The following INSC variants were observed in gnomAD, a reference collection of about 807,000 sequenced individuals.
INSC encodes the protein protein inscuteable homolog.
In INSC, 67 loss-of-function variants were observed where a neutral mutation model predicts 58.6. That is an observed-to-expected ratio of 1.14 (90% CI 0.94 to 1.40). INSC has a LOEUF of 1.40. Among genes scored for constraint, INSC ranks in the 40% most tolerant of loss-of-function variants. The pLI is 0.00. For synonymous variants in INSC, 262 were observed against 276.1 expected (o/e 0.95, Z 0.51); for missense variants, 714 against 692.0 (o/e 1.03, Z -0.36).
At chr11:15,263,994 T>G in the INSC span, among the ~76,000 whole-genome samples, 529 of 150,490 alleles carry the variant, frequency 3.5e-3, 6 homozygotes, top group African/African-American at 0.013. Context: ...CTGCTGCGGC[T>G]ACTGCTGCGT....
chr11:15,114,916 AGCGGCCACTTTGCGC>A (rs1847655275), exon 1 of INSC: 3 of 985,090 alleles, frequency 3.0e-6, no homozygotes, highest in South Asian at 9.4e-5. Flanking sequence ...GGGCCGGCAG[AGCGGCCACTTTGCGC>A]GCGGCCTCTG....
In INSC at chr11:15,182,535, G is replaced by A. The variant is rs116844545; in HGVS notation, c.579+4088G>A. On this transcript the variant is annotated intron_variant, in intron 5 of 12. Transcript: ENST00000379556. ...TGTTTTCCTTTTCCTGCAAAGTCAG[G>A]CATTTGCAACTTCTTTACTAGGACT... Among the ~76,000 whole-genome samples, 556 of 152,250 alleles carry A rather than the reference G, an allele frequency of 3.7e-3. 5 individuals carry two copies. Among genetic ancestry groups the A allele is most frequent in the Non-Finnish European group, 4.8e-3 (328 of 68,030 alleles).
upstream of INSC, chr11:15,112,345 C>A: frequency 1.3e-6 from 1 of 755,166 alleles, no homozygotes; most frequent in Admixed American, 3.0e-5. Context: ...CTGCCTTGGA[C>A]AAGCTTTGCC....
At chr11:15,178,471 G>C in intron 5 of INSC, 24 bp downstream of exon 5, 1 of 1,602,936 alleles carries the variant, frequency 6.2e-7, no homozygotes, top group Non-Finnish European at 8.5e-7. Flanking sequence ...GGGCTGCAGG[G>C]AGGGGTGCTT....
chr11:15,135,791 A>G (rs568077290), intron 1 of INSC, among the ~76,000 whole-genome samples: 1 of 152,340 alleles, frequency 6.6e-6, no homozygotes, highest in African/African-American at 2.4e-5. Flanking sequence ...ATAGAATGGC[A>G]CAGACTGGCT....
At chr11:15,118,230 G>A (rs941821411) in intron 1 of INSC, among the ~76,000 whole-genome samples, 5 of 152,198 alleles carry the variant, frequency 3.3e-5, no homozygotes, top group Non-Finnish European at 7.3e-5. Flanking sequence ...GGTCTGTGAG[G>A]CTAAGTGGTC....
chr11:15,178,005 A>G (rs1849631389), intron 4 of INSC, among the ~76,000 whole-genome samples: 1 of 152,044 alleles, frequency 6.6e-6, no homozygotes, highest in Non-Finnish European at 1.5e-5. Context: ...TCCCACCCCA[A>G]CATCACAGAG....
At chr11:15,164,056 A>T (rs1235474960) in intron 2 of INSC, among the ~76,000 whole-genome samples, 1 of 152,012 alleles carries the variant, frequency 6.6e-6, no homozygotes, top group African/African-American at 2.4e-5. Context: ...CCTTTCTGAT[A>T]ATTTATGCTT....
Position 15,149,231 on chromosome 11 carries a change from G to T in INSC, c.56+1G>T, listed in dbSNP as rs970962883. 6.2e-7 allele frequency: 1 copy of T among 1,602,996 alleles called. No individual in the cohort carries two copies. Among genetic ancestry groups the T allele is most frequent in the Admixed American group, 1.7e-5 (1 of 58,518 alleles). On this transcript the variant is annotated splice_donor_variant, in intron 2 of 12. Transcript: ENST00000379556. LOFTEE classifies it high-confidence loss of function. ...ACTCCGTCACCCTGCCGGGTCAGCG[G>T]TAAGTCCTACAGCTGTCACTCCAGG...
chr11:15,235,438 G>T (rs984144574), intron 9 of INSC, among the ~76,000 whole-genome samples, 164 bp from the exon 10 acceptor site: 1 of 152,222 alleles, frequency 6.6e-6, no homozygotes, highest in Non-Finnish European at 1.5e-5. Flanking sequence ...GGTGGCAGGA[G>T]CCCATAAGGA....
At chr11:15,113,982 A>G (rs561374492), upstream of INSC, among the ~76,000 whole-genome samples, 126 of 152,184 alleles carry the variant, frequency 8.3e-4, 1 homozygote, top group African/African-American at 1.7e-3. Context: ...GTTAGATGTC[A>G]AGGAGATCTT....
Position 15,114,980 on chromosome 11 carries a change from C to A in INSC, c.-69C>A. The A allele has an allele frequency of 1.0e-6, 1 of 985,488 alleles. No individual in the cohort carries two copies. Among genetic ancestry groups the A allele is most frequent in the Non-Finnish European group, 1.2e-6 (1 of 829,956 alleles). The allele number at this position is 985,488 out of a possible 1,614,324, so 61.0% of individuals were successfully genotyped here. A position where few individuals can be genotyped will look rare whatever the true frequency, so the allele number is the denominator to read the frequency against. The stretch of plus-strand genomic sequence containing the variant: ...GCCCCGCCACCACTGGCCGCTCGCA[C>A]TACCAGCCTGTCTCGCACGCTAAGT... On this transcript the variant is annotated 5_prime_UTR_variant, in exon 1 of 13. Coordinates refer to ENST00000379556, the MANE Select transcript of INSC (RefSeq NM_001042536.3).
chr11:15,229,632 G>A lies in INSC; in HGVS notation c.1170+3804G>A, dbSNP rs142319365. Among the ~76,000 whole-genome samples the A allele has an allele frequency of 2.5e-3, 381 of 151,942 alleles. 2 individuals are homozygous for A. The highest frequency in any genetic ancestry group is 8.8e-3 in the African/African-American group (364 of 41,410). ...CTCATAAAGTACTTAGAAGCAAAGC[G>A]AATACCCAATAATGAATGGGATGGG... On this transcript the variant is annotated intron_variant, in intron 9 of 12. Coordinates refer to ENST00000379556, the MANE Select transcript of INSC (RefSeq NM_001042536.3).
At chr11:15,130,206 A>T (rs948432878) in intron 1 of INSC, among the ~76,000 whole-genome samples, 35 of 152,206 alleles carry the variant, frequency 2.3e-4, no homozygotes, top group African/African-American at 8.2e-4. Context: ...GTCATCAAGT[A>T]TATTTCTTGT....
At chr11:15,185,381 T>C (rs1035280918) in intron 5 of INSC, among the ~76,000 whole-genome samples, 1 of 152,072 alleles carries the variant, frequency 6.6e-6, no homozygotes, top group Admixed American at 6.5e-5. Flanking sequence ...CTAAAAATGA[T>C]AAAAAGCCTC....
chr11:15,176,130 G>T, intron 3 of INSC, 44 bp downstream of exon 3: 1 of 1,441,536 alleles, frequency 6.9e-7, no homozygotes, highest in East Asian at 2.5e-5. Context: ...TGGAAGTCAG[G>T]GTGCTTTAGA....
chr11:15,173,177 C>G (rs1038840596), intron 2 of INSC, among the ~76,000 whole-genome samples: 7 of 152,124 alleles, frequency 4.6e-5, no homozygotes, highest in African/African-American at 1.7e-4. Flanking sequence ...GAATAGTGTT[C>G]AAACATTGGA....
the INSC span, among the ~76,000 whole-genome samples, chr11:15,258,644 A>T: frequency 6.6e-6 from 1 of 152,220 alleles, no homozygotes; most frequent in East Asian, 1.9e-4. Context: ...ATTCATACTG[A>T]CATCTGCTGG....
In INSC at chr11:15,197,779, C is replaced by A. The variant is rs192911208; in HGVS notation, c.694-3045C>A. 3.0e-3 allele frequency among the ~76,000 whole-genome samples: 452 copies of A among 152,330 alleles called. 3 individuals are homozygous for A. The highest frequency in any genetic ancestry group is 6.8e-3 in the Middle Eastern group (2 of 294). On this transcript the variant is annotated intron_variant, in intron 6 of 12. Coordinates refer to ENST00000379556, the MANE Select transcript of INSC (RefSeq NM_001042536.3). ...CTGGGCTTCATCAAAATTATCCCCCCCACCAATAACTCCTCTGTTATTCCT... is the reference window on the plus strand; with the variant it reads ...CTGGGCTTCATCAAAATTATCCCCCACACCAATAACTCCTCTGTTATTCCT...
Sources: allele counts gnomAD v4.1 joint callset (sites outside exome capture counted in the v4.1 genomes callset), GRCh38; gene constraint gnomAD v4.1.1; transcripts MANE v1.5; gene names NCBI Gene and HGNC (gene_info 2026-07-23, HGNC 2026-07-21).